Variants in ZER1 observed in about 807,000 individuals in gnomAD.
ZER1 encodes the protein protein zer-1 homolog.
A neutral mutation model predicts 78.8 loss-of-function variants in ZER1; 11 were observed. That is an observed-to-expected ratio of 0.14 (90% CI 0.09 to 0.23). ZER1 has a LOEUF of 0.23. Among genes scored for constraint, ZER1 ranks in the 10% least tolerant of loss-of-function variants. The pLI is 1.00. For synonymous variants in ZER1, 400 were observed against 407.0 expected (o/e 0.98, Z 0.21); for missense variants, 588 against 996.9 (o/e 0.59, Z 5.52).
At chr9:128,760,897 C>A (rs1343845164) in intron 1 of ZER1, among the ~76,000 whole-genome samples, 1 of 151,926 alleles carries the variant, frequency 6.6e-6, no homozygotes. Flanking sequence ...CGGTGGCTCA[C>A]GCCTGTAATC....
rs762991896 is a variant in ZER1, at chr9:128,731,353, A to G, written c.2285T>C (p.Met762Thr). Residue 762 changes from methionine (M) to threonine (T), a missense_variant, in exon 16 of 16, where the codon ATG becomes ACG. Physicochemically the swap from Met to Thr is moderately conservative, Grantham distance 81. This residue lies in a region of ZER1 where 122 missense variants were observed against 173.5 expected (regional missense o/e 0.70). Coordinates refer to ENST00000291900, the MANE Select transcript of ZER1 (RefSeq NM_006336.4). ...EHCSNFKEEN[M>T]DTSR ...CGGAGGCCTCTATCTAGACGTGTCC[A>G]TGTTCTCCTCTTTAAAGTTACTGCA... is the stretch of plus-strand genomic sequence containing the variant. 6.4e-6 allele frequency: 9 copies of G among 1,399,190 alleles called. No individual in the cohort carries two copies. The highest frequency in any genetic ancestry group is 3.9e-5 in the Admixed American group (2 of 51,302). The allele number at this position is 1,399,190 out of a possible 1,614,324, so 86.7% of individuals were successfully genotyped here.
At chr9:128,763,100 A>T (rs1864099236) in intron 1 of ZER1, among the ~76,000 whole-genome samples, 3 of 152,186 alleles carry the variant, frequency 2.0e-5, no homozygotes, top group African/African-American at 7.2e-5. Flanking sequence ...TCTTTCAACC[A>T]GGACCATCCA....
At chr9:128,762,111 C>CT (rs35347894) in intron 1 of ZER1, among the ~76,000 whole-genome samples, 6,636 of 144,468 alleles carry the variant, frequency 0.046, 471 homozygotes, top group African/African-American at 0.16. Context: ...CATTTATGGA[C>CT]TTTTTTTTTT....
At chr9:128,739,304 T>C (rs1283391644) in intron 13 of ZER1, among the ~76,000 whole-genome samples, 5 of 151,344 alleles carry the variant, frequency 3.3e-5, no homozygotes, top group Non-Finnish European at 1.5e-5. Flanking sequence ...AGATCGAAAC[T>C]ATCCTGGCTA....
In ZER1 at chr9:128,732,496, A is replaced by G. The variant is rs548509136; in HGVS notation, c.2243+930T>C. 3.4e-4 allele frequency among the ~76,000 whole-genome samples: 52 copies of G among 152,132 alleles called. 1 individual carries two copies. In the South Asian group the frequency reaches 9.1e-3, roughly 27 times the overall value. ...GTGATTCTCCTGCCTCAGCCTCCCA[A>G]GTGGCTGGGATTACAGGCACGTACC... is the stretch of plus-strand genomic sequence containing the variant. On this transcript the variant is annotated intron_variant, in intron 15 of 15. Coordinates refer to ENST00000291900, the MANE Select transcript of ZER1 (RefSeq NM_006336.4). This position sits in a 1 kb window ranked among gnomAD's most constrained non-coding sequence, Gnocchi z 4.8.
At chr9:128,759,631 T>C (rs531517595) in intron 1 of ZER1, among the ~76,000 whole-genome samples, 352 of 151,872 alleles carry the variant, frequency 2.3e-3, no homozygotes, top group Non-Finnish European at 3.8e-3. Context: ...TTGTCTCTAC[T>C]AAAAATAGAA....
intron 1 of ZER1, among the ~76,000 whole-genome samples, chr9:128,761,290 C>T (rs549202528): frequency 6.6e-6 from 1 of 152,008 alleles, no homozygotes; most frequent in African/African-American, 2.4e-5. Context: ...GTTATGACCC[C>T]ACCTTTTTTT....
At chr9:128,747,493 C>G (rs1052713564) in intron 8 of ZER1, among the ~76,000 whole-genome samples, 2 of 152,076 alleles carry the variant, frequency 1.3e-5, no homozygotes, top group African/African-American at 4.8e-5. Context: ...TGAAAGTGAG[C>G]CTTAACACCA....
chr9:128,731,302 G>GT lies in ZER1; in HGVS notation c.*34dup, dbSNP rs1472544070. ...TGAGCATGCTTCCTCCCCGCCTGTG[G>GT]TCCAGAGCGGTGGCGGCCATGGGGA... On this transcript the variant is annotated 3_prime_UTR_variant, in exon 16 of 16. Coordinates refer to ENST00000291900, the MANE Select transcript of ZER1 (RefSeq NM_006336.4). 6.2e-7 allele frequency: 1 copy of GT among 1,608,592 alleles called. No individual in the cohort carries two copies. The highest frequency in any genetic ancestry group is 1.3e-5 in the African/African-American group (1 of 74,786).
Position 128,735,323 on chromosome 9 carries a change from T to G in ZER1, c.2140+11A>C, listed in dbSNP as rs756051484. On this transcript the variant is annotated intron_variant, in intron 14 of 15. Coordinates refer to ENST00000291900, the MANE Select transcript of ZER1 (RefSeq NM_006336.4). The stretch of plus-strand genomic sequence containing the variant: ...GATGAGTGTCTGAACCCAGGACAAG[T>G]TGGCACTCACGGTAGACAGACACGA... 39 of 1,610,176 alleles carry G rather than the reference T, an allele frequency of 2.4e-5. No individual in the cohort carries two copies. The African/African-American group carries it at 4.0e-4, about 17-fold the overall frequency.
At chr9:128,750,177 T>C (rs904737101) in intron 8 of ZER1, among the ~76,000 whole-genome samples, 2 of 152,268 alleles carry the variant, frequency 1.3e-5, no homozygotes, top group African/African-American at 4.8e-5. Context: ...GTGCATAGGC[T>C]AAAATTCACA....
rs373172256 is a variant in ZER1, at chr9:128,755,362, A to G, written c.158+46T>C. ...ACACGGTCCCAATCTCTCTATACAC[A>G]TTCATGGTAAGACCCCTGCCCCTCC... On this transcript the variant is annotated intron_variant, in intron 2 of 15. Transcript: ENST00000291900. The surrounding 1 kb of genome is among the most constrained non-coding windows in gnomAD (Gnocchi z 5.6). The G allele has an allele frequency of 3.1e-6, 5 of 1,609,690 alleles. No individual in the cohort carries two copies. The highest frequency in any genetic ancestry group is 4.2e-6 in the Non-Finnish European group (5 of 1,176,568).
At chr9:128,750,830 G>A (rs748560206) in intron 7 of ZER1, 41 bp from the exon 8 acceptor site, 189 of 1,611,714 alleles carry the variant, frequency 1.2e-4, no homozygotes, top group Non-Finnish European at 1.5e-4. Flanking sequence ...CAAGTGCAGG[G>A]AGAGGCCTGG....
Position 128,751,624 on chromosome 9 carries a change from T to G in ZER1, c.924-97A>C, listed in dbSNP as rs537615708. The G allele has an allele frequency of 1.0e-6, 1 of 987,064 alleles. No individual in the cohort carries two copies. Among genetic ancestry groups the G allele is most frequent in the Admixed American group, 2.0e-5 (1 of 49,578 alleles). The allele number at this position is 987,064 out of a possible 1,614,324, so 61.1% of individuals were successfully genotyped here. A position where few individuals can be genotyped will look rare whatever the true frequency, so the allele number is the denominator to read the frequency against. On this transcript the variant is annotated intron_variant, in intron 5 of 15. Coordinates refer to ENST00000291900, the MANE Select transcript of ZER1 (RefSeq NM_006336.4). The surrounding 1 kb of genome is among the most constrained non-coding windows in gnomAD (Gnocchi z 5.4). The stretch of plus-strand genomic sequence containing the variant: ...TGAGGCATTTCCTTGCTTTCTCTTC[T>G]AGGCCCTCCAACCTCATCCCCTACT...
At chr9:128,738,241 T>C (rs1179224846) in intron 13 of ZER1, among the ~76,000 whole-genome samples, 1 of 143,264 alleles carries the variant, frequency 7.0e-6, no homozygotes, top group Non-Finnish European at 1.5e-5. Context: ...AGGTGGGGTT[T>C]CACTGCGTTA....
intron 1 of ZER1, among the ~76,000 whole-genome samples, chr9:128,756,818 C>A (rs57318304): frequency 2.0e-5 from 3 of 152,068 alleles, no homozygotes; most frequent in Non-Finnish European, 4.4e-5. Flanking sequence ...TGGGTGCACT[C>A]TATGAATATA....
At chr9:128,765,911 G>A (rs1864192904) in intron 1 of ZER1, among the ~76,000 whole-genome samples, 1 of 152,204 alleles carries the variant, frequency 6.6e-6, no homozygotes, top group Non-Finnish European at 1.5e-5. Context: ...ATTGGGGAGT[G>A]TGCCTCACAG....
intron 15 of ZER1, 199 bp downstream of exon 15, chr9:128,733,227 C>A: frequency 3.9e-6 from 2 of 515,550 alleles, no homozygotes; most frequent in East Asian, 5.8e-5. Context: ...CGAGCTTGGT[C>A]ATCTAATTTC....
Position 128,762,028 on chromosome 9 carries a change from G to C in ZER1, c.-94-6369C>G, listed in dbSNP as rs112515405. Among the ~76,000 whole-genome samples, 654 of 152,240 alleles carry C rather than the reference G, an allele frequency of 4.3e-3. 9 individuals are homozygous for C. Among genetic ancestry groups the C allele is most frequent in the African/African-American group, 0.015 (606 of 41,534 alleles). ...CAAGCTTGTCCAACCTGTGGTCCATGGGCTGCATGTGGCCCAGGACAGCTT... is the reference window on the plus strand; with the variant it reads ...CAAGCTTGTCCAACCTGTGGTCCATCGGCTGCATGTGGCCCAGGACAGCTT... On this transcript the variant is annotated intron_variant, in intron 1 of 15. Coordinates refer to ENST00000291900, the MANE Select transcript of ZER1 (RefSeq NM_006336.4).
Sources: allele counts gnomAD v4.1 joint callset (sites outside exome capture counted in the v4.1 genomes callset), GRCh38; gene constraint gnomAD v4.1.1; regional missense constraint gnomAD v4.1.1; non-coding constraint Gnocchi (gnomAD v3.1); transcripts MANE v1.5; gene names NCBI Gene and HGNC (gene_info 2026-07-23, HGNC 2026-07-21).